Variants in CACNB2 observed in about 807,000 individuals in gnomAD.
The protein encoded by CACNB2 is voltage-dependent L-type calcium channel subunit beta-2.
Under a neutral mutation model 73.3 loss-of-function variants are expected in CACNB2, and 42 were observed. The ratio of observed to expected loss-of-function variants is 0.57; its 90% confidence interval spans 0.45 to 0.74. The LOEUF (loss-of-function observed/expected upper bound fraction) is 0.74. Among genes scored for constraint, CACNB2 ranks in the 30% least tolerant of loss-of-function variants. The pLI, the probability that CACNB2 is intolerant of heterozygous loss-of-function variation, is 0.00. For missense variants in CACNB2, 940 were observed against 853.0 expected, an observed-to-expected ratio of 1.10 and a Z score of -1.27; for synonymous variants, 348 against 310.3, an observed-to-expected ratio of 1.12 and a Z score of -1.28.
intron 2 of CACNB2, among the ~76,000 whole-genome samples, chr10:18,331,202 T>G (rs1007613430): frequency 5.3e-5 from 8 of 151,848 alleles, no homozygotes; most frequent in African/African-American, 1.7e-4. Context: ...GTCAGGATGG[T>G]CTTGATCTCT....
chr10:18,377,883 T>C (rs2132340494), intron 2 of CACNB2, among the ~76,000 whole-genome samples: 1 of 152,298 alleles, frequency 6.6e-6, no homozygotes, highest in Admixed American at 6.5e-5. Context: ...TTCGCTCCCT[T>C]TATTCAGATG....
intron 2 of CACNB2, chr10:18,261,174 A>G: frequency 3.2e-6 from 5 of 1,547,924 alleles, no homozygotes; most frequent in Non-Finnish European, 4.4e-6. Context: ...ACCTGGGAGT[A>G]GAAGGTGGGA....
At chr10:18,322,280 G>A (rs905503882) in intron 2 of CACNB2, among the ~76,000 whole-genome samples, 18 of 152,044 alleles carry the variant, frequency 1.2e-4, no homozygotes, top group Admixed American at 6.5e-5. Flanking sequence ...CTAATGACAA[G>A]AATAATTAAA....
chr10:18,500,854 G>A lies in CACNB2; in HGVS notation c.499G>A (p.Gly167Ser), dbSNP rs1416898728. The A allele has an allele frequency of 1.2e-6, 2 of 1,613,982 alleles. No individual in the cohort carries two copies. Among genetic ancestry groups the A allele is most frequent in the Admixed American group, 3.3e-5 (2 of 60,020 alleles). Reference sequence around the variant, plus strand: ...GTGGATAGGGCGATTGGTAAAAGAAGGCTGTGAAATCGGATTCATTCCAAG... The same window carrying A: ...GTGGATAGGGCGATTGGTAAAAGAAAGCTGTGAAATCGGATTCATTCCAAG... ...DWWIGRLVKEGCEIGFIPSPV... is the reference protein window; with the variant it reads ...DWWIGRLVKESCEIGFIPSPV... Residue 167 changes from glycine (G) to serine (S), a missense_variant, in exon 5 of 14, where the codon GGC (glycine) becomes AGC (serine). Physicochemically the swap from Gly to Ser is moderately conservative, Grantham distance 56. Transcript: ENST00000324631.
intron 2 of CACNB2, among the ~76,000 whole-genome samples, chr10:18,256,070 A>G (rs1034224634): frequency 2.6e-5 from 4 of 152,276 alleles, no homozygotes; most frequent in Middle Eastern, 6.8e-3. Context: ...TTAAAAACAT[A>G]TATCTTCCAT....
Position 18,518,964 on chromosome 10 carries a change from G to A in CACNB2, c.940G>A (p.Gly314Arg), listed in dbSNP as rs750929086. 1 of 1,613,644 alleles carries A rather than the reference G, an allele frequency of 6.2e-7. No individual in the cohort carries two copies. Among genetic ancestry groups the A allele is most frequent in the Non-Finnish European group, 8.5e-7 (1 of 1,179,638 alleles). Residue 314 changes from glycine to arginine, a missense_variant, in exon 9 of 14, where the codon GGG becomes AGG. Coordinates refer to ENST00000324631, the MANE Select transcript of CACNB2 (RefSeq NM_201596.3). ...LFDFLKHRFE[G>R]RISITRVTAD... ...TGATTTTTTAAAACACAGATTTGAA[G>A]GGCGGTGAGTATTTCAGCATACTGG...
chr10:18,455,039 T>TAA (rs56167015), intron 3 of CACNB2, among the ~76,000 whole-genome samples: 14,622 of 137,694 alleles, frequency 0.11, 945 homozygotes, highest in South Asian at 0.16. Flanking sequence ...CCCAATCTCT[T>TAA]AAAAAAAAAA....
intron 3 of CACNB2, among the ~76,000 whole-genome samples, chr10:18,491,313 G>A (rs1564612188): frequency 6.6e-6 from 1 of 152,240 alleles, no homozygotes; most frequent in Non-Finnish European, 1.5e-5. Flanking sequence ...GCAGGGTGTG[G>A]TGGCTCACAC....
At chr10:18,184,554 C>G (rs2034050750) in intron 2 of CACNB2, among the ~76,000 whole-genome samples, 1 of 150,314 alleles carries the variant, frequency 6.7e-6, no homozygotes, top group Non-Finnish European at 1.5e-5. Context: ...CCTTAAGTTA[C>G]TTTTACTGTT....
chr10:18,483,034 A>T (rs1424124566), intron 3 of CACNB2, among the ~76,000 whole-genome samples: 1 of 152,170 alleles, frequency 6.6e-6, no homozygotes, highest in African/African-American at 2.4e-5. Flanking sequence ...ACAATTGGTC[A>T]CTAAGCTTTC....
intron 2 of CACNB2, among the ~76,000 whole-genome samples, chr10:18,359,779 G>C (rs921998332): frequency 1.3e-5 from 2 of 151,450 alleles, no homozygotes; most frequent in Admixed American, 6.6e-5. Context: ...GCAGTCCCCA[G>C]TGTGAGATGT....
rs578094119 is a variant in CACNB2, at chr10:18,404,118, T to A, written c.333+2075T>A. Among the ~76,000 whole-genome samples the A allele has an allele frequency of 5.9e-3, 903 of 152,202 alleles. 8 individuals are homozygous for A. The highest frequency in any genetic ancestry group is 9.7e-3 in the Non-Finnish European group (661 of 67,970). ...ATAAATATACACATCTATGTACCCA[T>A]AAAATTTTTTAAAAAATAGTTTATT... On this transcript the variant is annotated intron_variant, in intron 3 of 13. Coordinates refer to ENST00000324631, the MANE Select transcript of CACNB2 (RefSeq NM_201596.3).
At chr10:18,153,715 G>A (rs1157967551) in intron 2 of CACNB2, among the ~76,000 whole-genome samples, 2 of 149,932 alleles carry the variant, frequency 1.3e-5, no homozygotes, top group Admixed American at 6.7e-5. Context: ...GCGAGTAGCT[G>A]GGATTACAGG....
At chr10:18,247,192 A>T (rs1439766524) in intron 2 of CACNB2, among the ~76,000 whole-genome samples, 1 of 152,158 alleles carries the variant, frequency 6.6e-6, no homozygotes, top group Non-Finnish European at 1.5e-5. Context: ...TCTGTGTGCC[A>T]TAGCCTCTGC....
At chr10:18,363,292 C>A (rs964796536) in intron 2 of CACNB2, among the ~76,000 whole-genome samples, 1 of 152,196 alleles carries the variant, frequency 6.6e-6, no homozygotes, top group African/African-American at 2.4e-5. Context: ...ATGGCTCAGG[C>A]TTGGCTTTTC....
At chr10:18,509,805 C>T (rs764372056) in intron 6 of CACNB2, among the ~76,000 whole-genome samples, 7 of 151,244 alleles carry the variant, frequency 4.6e-5, no homozygotes, top group South Asian at 2.1e-4. Context: ...AATAAATAAA[C>T]AAACAAACAG....
intron 3 of CACNB2, among the ~76,000 whole-genome samples, chr10:18,485,218 A>C (rs1321256646): frequency 6.6e-6 from 1 of 152,202 alleles, no homozygotes; most frequent in Non-Finnish European, 1.5e-5. Context: ...AAAGTTGAAA[A>C]GTTTCCTTCC....
In CACNB2 at chr10:18,449,681, A is replaced by G. The variant is rs558542171; in HGVS notation, c.333+47638A>G. ...TACTGAATGAGGAAGCCAGGAACGG[A>G]GTCCGAGCAGTCTATGGGAACTTGA... On this transcript the variant is annotated intron_variant, in intron 3 of 13. Coordinates refer to ENST00000324631, the MANE Select transcript of CACNB2 (RefSeq NM_201596.3). Among the ~76,000 whole-genome samples the G allele has an allele frequency of 4.6e-5, 7 of 152,370 alleles. No homozygotes were observed. The South Asian group carries it at 1.4e-3, about 32-fold the overall frequency.
intron 2 of CACNB2, among the ~76,000 whole-genome samples, chr10:18,300,606 A>G (rs61566389): frequency 0.059 from 9,031 of 152,288 alleles, 417 homozygotes; most frequent in African/African-American, 0.13. Context: ...AACACCTTTA[A>G]AAAATGCAAT....
Sources: allele counts gnomAD v4.1 joint callset (sites outside exome capture counted in the v4.1 genomes callset), GRCh38; gene constraint gnomAD v4.1.1; transcripts MANE v1.5; gene names NCBI Gene and HGNC (gene_info 2026-07-23, HGNC 2026-07-21).